Variants in EPHB1 observed in about 807,000 individuals in gnomAD.
The protein encoded by EPHB1 is ephrin type-B receptor 1.
In EPHB1, 30 loss-of-function variants were observed where a neutral mutation model predicts 94.4. The observed-to-expected ratio is 0.32, with a 90% confidence interval of 0.24 to 0.43. EPHB1 has a LOEUF of 0.43. EPHB1 is among the 20% of genes least tolerant of loss of function. The pLI, the probability that EPHB1 is intolerant of heterozygous loss-of-function variation, is 1.00. For missense variants in EPHB1, 1,055 were observed against 1,308.3 expected (o/e 0.81, Z 2.99); for synonymous variants, 522 against 489.1 (o/e 1.07, Z -0.89).
At chr3:134,915,163 G>A (rs1168232346) in intron 1 of EPHB1, among the ~76,000 whole-genome samples, 2 of 152,156 alleles carry the variant, frequency 1.3e-5, no homozygotes, top group Non-Finnish European at 2.9e-5. Flanking sequence ...GTAATTGGTT[G>A]AATTCTGTCC....
At chr3:134,843,722 T>G (rs986719712) in intron 1 of EPHB1, among the ~76,000 whole-genome samples, 6 of 152,178 alleles carry the variant, frequency 3.9e-5, no homozygotes, top group South Asian at 2.1e-4. Flanking sequence ...CTCCATAATT[T>G]ACATTTAGTT....
intron 3 of EPHB1, among the ~76,000 whole-genome samples, chr3:134,971,827 C>G (rs1016714862): frequency 1.3e-5 from 2 of 152,176 alleles, no homozygotes; most frequent in Admixed American, 6.5e-5. Flanking sequence ...ATGTTGTCTT[C>G]TATTTCCATC....
intron 3 of EPHB1, among the ~76,000 whole-genome samples, chr3:135,003,925 G>A (rs1100570): frequency 6.6e-6 from 1 of 152,058 alleles, no homozygotes; most frequent in African/African-American, 2.4e-5. Flanking sequence ...TTGCCAGTCT[G>A]TGTCTTTTAA....
rs140992963 is a variant in EPHB1, at chr3:135,033,926, G to A, written c.806-72522G>A. ...ACCCCAGAGGTTCTAGCAAAATGCCGCCTTTTGTAGATCCTGCTGCAGAGG... is the reference window on the plus strand; with the variant it reads ...ACCCCAGAGGTTCTAGCAAAATGCCACCTTTTGTAGATCCTGCTGCAGAGG... On this transcript the variant is annotated intron_variant, in intron 3 of 15. Coordinates refer to ENST00000398015, the MANE Select transcript of EPHB1 (RefSeq NM_004441.5). Among the ~76,000 whole-genome samples, 805 of 152,232 alleles carry A rather than the reference G, an allele frequency of 5.3e-3. 9 individuals are homozygous for A. Among genetic ancestry groups the A allele is most frequent in the African/African-American group, 0.018 (755 of 41,542 alleles).
At chr3:135,237,937 A>C (rs1032023743) in intron 12 of EPHB1, among the ~76,000 whole-genome samples, 1 of 152,198 alleles carries the variant, frequency 6.6e-6, no homozygotes, top group Non-Finnish European at 1.5e-5. Context: ...CTGCTGCAGC[A>C]GGGTTCCACT....
At position 134,965,623 on chromosome 3, in the gene EPHB1, C is replaced by T. The variant is rs7627341; in HGVS notation, c.805+13571C>T. On this transcript the variant is annotated intron_variant, in intron 3 of 15. Transcript: ENST00000398015. ...ACAATTATTTTGGAGAGTGTTTTATCTGTGGAGATTGATTTTTTCAGTCAT... is the reference window on the plus strand; with the variant it reads ...ACAATTATTTTGGAGAGTGTTTTATTTGTGGAGATTGATTTTTTCAGTCAT... 3.4e-3 allele frequency among the ~76,000 whole-genome samples: 513 copies of T among 152,274 alleles called. 1 individual carries two copies. The highest frequency in any genetic ancestry group is 0.012 in the African/African-American group (478 of 41,558).
At chr3:135,083,510 G>T (rs1307885168) in intron 3 of EPHB1, among the ~76,000 whole-genome samples, 2 of 151,950 alleles carry the variant, frequency 1.3e-5, no homozygotes, top group Admixed American at 1.3e-4. Flanking sequence ...CAATAGACAG[G>T]TTGAAAATAC....
At chr3:134,818,430 G>A (rs1233575899) in intron 1 of EPHB1, among the ~76,000 whole-genome samples, 1 of 152,176 alleles carries the variant, frequency 6.6e-6, no homozygotes, top group Admixed American at 6.5e-5. Context: ...GGTTACATGG[G>A]TAAGTTCTTC....
At chr3:135,132,569 A>C in intron 4 of EPHB1, 145 bp from the exon 5 acceptor site, 4 of 664,332 alleles carry the variant, frequency 6.0e-6, no homozygotes, top group Non-Finnish European at 1.0e-5. Flanking sequence ...TTTAAAATGA[A>C]TTGAAGCATA....
chr3:134,926,900 A>T (rs1158331128), intron 2 of EPHB1, among the ~76,000 whole-genome samples: 2 of 152,200 alleles, frequency 1.3e-5, no homozygotes, highest in Non-Finnish European at 1.5e-5. Flanking sequence ...GAGAGAAGTT[A>T]AGGAGGACAA....
At chr3:135,224,962 G>T (rs1943358907) in intron 12 of EPHB1, among the ~76,000 whole-genome samples, 1 of 152,166 alleles carries the variant, frequency 6.6e-6, no homozygotes, top group Non-Finnish European at 1.5e-5. Context: ...AGGCCTTTCA[G>T]ACCTAGCTTA....
chr3:135,215,165 T>C (rs1464716313), intron 12 of EPHB1, among the ~76,000 whole-genome samples: 3 of 151,978 alleles, frequency 2.0e-5, no homozygotes, highest in African/African-American at 7.3e-5. Context: ...TTTTTTCTTT[T>C]TTCTTTTTTT....
intron 3 of EPHB1, among the ~76,000 whole-genome samples, chr3:135,076,324 G>A (rs925470494): frequency 2.0e-5 from 3 of 150,184 alleles, no homozygotes; most frequent in Admixed American, 6.6e-5. Context: ...AAATATGCAT[G>A]GGGATTTCAG....
At chr3:135,233,574 T>C (rs750521195) in intron 12 of EPHB1, among the ~76,000 whole-genome samples, 2 of 152,116 alleles carry the variant, frequency 1.3e-5, no homozygotes, top group Non-Finnish European at 2.9e-5. Context: ...CATTCTAGGG[T>C]CTGGAGGATG....
At chr3:134,956,221 T>C (rs940718087) in intron 3 of EPHB1, among the ~76,000 whole-genome samples, 6 of 152,122 alleles carry the variant, frequency 3.9e-5, no homozygotes, top group East Asian at 1.9e-4. Flanking sequence ...AGAGAAGATA[T>C]GACTGTCATA....
In EPHB1 at chr3:135,241,168, A is replaced by G; in HGVS notation, c.2367A>G (p.Arg789=). ...TTCAGGGAGGGAAGATCCCTGTGAG[A>G]TGGACAGCTCCAGAGGCCATCGCCT... The part of the protein sequence containing the change: ...TSSLGGKIPV[R]WTAPEAIAYR... Residue 789 remains arginine, a synonymous_variant, in exon 13 of 16, where the codon AGA becomes AGG. Transcript: ENST00000398015. 6.2e-7 allele frequency: 1 copy of G among 1,614,164 alleles called. No individual in the cohort carries two copies. Among genetic ancestry groups the G allele is most frequent in the Non-Finnish European group, 8.5e-7 (1 of 1,180,022 alleles).
chr3:135,072,347 G>A (rs1937750399), intron 3 of EPHB1, among the ~76,000 whole-genome samples: 1 of 152,166 alleles, frequency 6.6e-6, no homozygotes, highest in Admixed American at 6.5e-5. Flanking sequence ...TCACGCCACT[G>A]CACTCCAGCC....
chr3:134,967,183 G>A lies in EPHB1; in HGVS notation c.805+15131G>A, dbSNP rs111942823. ...GATATATAAAGACTTTTAAGTAAGT[G>A]CTATGCACATTGAAAAACTTGGGTC... On this transcript the variant is annotated intron_variant, in intron 3 of 15. Transcript: ENST00000398015. Among the ~76,000 whole-genome samples the A allele has an allele frequency of 1.8e-3, 269 of 152,300 alleles. 1 individual carries two copies. The highest frequency in any genetic ancestry group is 6.3e-3 in the African/African-American group (261 of 41,562).
At chr3:134,932,637 C>G (rs1301871681) in intron 2 of EPHB1, among the ~76,000 whole-genome samples, 1 of 151,910 alleles carries the variant, frequency 6.6e-6, no homozygotes, top group African/African-American at 2.4e-5. Flanking sequence ...GATAATAACT[C>G]TGTCATATAT....
Sources: allele counts gnomAD v4.1 joint callset (sites outside exome capture counted in the v4.1 genomes callset), GRCh38; gene constraint gnomAD v4.1.1; transcripts MANE v1.5; gene names NCBI Gene and HGNC (gene_info 2026-07-23, HGNC 2026-07-21).